RETNLB: variants seen among roughly 807,000 people sequenced by gnomAD.
The protein encoded by RETNLB is resistin like beta.
RETNLB carries 11 observed loss-of-function variants against 6.8 expected under a neutral mutation model. That is an observed-to-expected ratio of 1.62 (90% CI 1.02 to 2.68). The LOEUF (loss-of-function observed/expected upper bound fraction) is 2.68. Among genes scored for constraint, RETNLB ranks in the 30% most tolerant of loss-of-function variants. The pLI, the probability that RETNLB is intolerant of heterozygous loss-of-function variation, is 0.00. For missense variants in RETNLB, 146 were observed against 135.7 expected (o/e 1.08, Z -0.38); for synonymous variants, 57 against 54.2 (o/e 1.05, Z -0.23).
rs1945247161 is a variant in RETNLB, at chr3:108,755,998, G to C, written c.209-93C>G. Reference sequence around the variant, plus strand: ...ACCATCTTTCAACCCTGTGCAGTCAGGGGTAGAGCTAGGTTTCGTGGGGCC... The same window carrying C: ...ACCATCTTTCAACCCTGTGCAGTCACGGGTAGAGCTAGGTTTCGTGGGGCC... On this transcript the variant is annotated intron_variant, in intron 2 of 2. Coordinates refer to ENST00000295755, the MANE Select transcript of RETNLB (RefSeq NM_032579.3). 4.7e-6 allele frequency: 7 copies of C among 1,498,994 alleles called. No individual in the cohort carries two copies. In the Admixed American group the frequency reaches 7.0e-5, roughly 15 times the overall value. 92.9% of individuals were successfully genotyped at this position (1,498,994 alleles called of 1,614,324 possible). A position where few individuals can be genotyped will look rare whatever the true frequency, so the allele number is the denominator to read the frequency against.
chr3:108,757,147 G>A lies in RETNLB; in HGVS notation c.39C>T (p.Pro13=). ...TCCCCGGGTTGATCAGCTGGAGAAG[G>A]GGGATTAGGATGAGAAGGAGGCAAG... ...PSSCLLLILI[P]LLQLINPGST... Residue 13 remains proline (P), a synonymous_variant, in exon 1 of 3, where the codon CCC becomes CCT. Coordinates refer to ENST00000295755, the MANE Select transcript of RETNLB (RefSeq NM_032579.3). 1.9e-6 allele frequency: 3 copies of A among 1,571,874 alleles called. No individual in the cohort carries two copies. The highest frequency in any genetic ancestry group is 2.2e-5 in the South Asian group (2 of 90,336).
Position 108,755,797 on chromosome 3 carries a change from C to G in RETNLB, c.317G>C (p.Arg106Pro), listed in dbSNP as rs370708969. The G allele has an allele frequency of 6.2e-7, 1 of 1,613,944 alleles. No homozygotes were observed. The highest frequency in any genetic ancestry group is 1.1e-5 in the South Asian group (1 of 91,056). ...QCSVVDWTTA[R>P]CCHLT Reference sequence around the variant, plus strand: ...TCCCTGTCAGGTCAGGTGGCAGCAGCGGGCAGTGGTCCAGTCCACCACACT... The same window carrying G: ...TCCCTGTCAGGTCAGGTGGCAGCAGGGGGCAGTGGTCCAGTCCACCACACT... Residue 106 changes from arginine (R) to proline (P), a missense_variant, in exon 3 of 3, where the codon CGC (arginine) becomes CCC (proline). Physicochemically the swap from Arg to Pro is moderately radical, Grantham distance 103. Transcript: ENST00000295755.
At chr3:108,755,971 C>G in intron 2 of RETNLB, 66 bp from the exon 3 acceptor site, 1 of 1,600,460 alleles carries the variant, frequency 6.2e-7, no homozygotes, top group Non-Finnish European at 8.6e-7. Context: ...GGGCTACCCA[C>G]AACCATCTTT....
Position 108,757,388 on chromosome 3 carries a change from C to G in RETNLB, c.-203G>C. The G allele has an allele frequency of 2.2e-6, 1 of 460,994 alleles. No individual in the cohort carries two copies. The highest frequency in any genetic ancestry group is 3.7e-6 in the Non-Finnish European group (1 of 267,504). 28.6% of individuals were successfully genotyped at this position (460,994 alleles called of 1,614,324 possible). ...GTTGCTGAAGAACAGATTTATTCAC[C>G]AAAACATTCAGAGAAGGTCTACAAG... On this transcript the variant is annotated 5_prime_UTR_variant, in exon 1 of 3. Coordinates refer to ENST00000295755, the MANE Select transcript of RETNLB (RefSeq NM_032579.3).
At chr3:108,756,950 G>C (rs992989772) in intron 1 of RETNLB, 109 bp downstream of exon 1, 1 of 1,279,418 alleles carries the variant, frequency 7.8e-7, no homozygotes, top group Non-Finnish European at 1.1e-6. Flanking sequence ...CCTCATCAGG[G>C]GTTGGGCTTG....
chr3:108,756,622 A>G (rs780929170), intron 1 of RETNLB, 34 bp from the exon 2 acceptor site: 1 of 1,426,712 alleles, frequency 7.0e-7, no homozygotes, highest in South Asian at 1.1e-5. Context: ...ACATCCCATG[A>G]GCTATCCTCC....
rs373197374 is a variant in RETNLB, at chr3:108,755,830, C to A, written c.284G>T (p.Cys95Phe). 2.2e-5 allele frequency: 36 copies of A among 1,614,172 alleles called. No homozygotes were observed. In the African/African-American group the frequency reaches 4.0e-4, roughly 18 times the overall value. ...GGTCCAGTCCACCACACTGCACTGGCAGTGGCAGGTGGTTTCCAGCTGAAC... is the reference window on the plus strand; with the variant it reads ...GGTCCAGTCCACCACACTGCACTGGAAGTGGCAGGTGGTTTCCAGCTGAAC... ...WDVQLETTCH[C>F]QCSVVDWTTA... is the part of the protein sequence containing the mutation. The change falls in exon 3 of 3, where the codon TGC (cysteine) becomes TTC (phenylalanine). Residue 95 changes from cysteine to phenylalanine, a missense_variant. Physicochemically the swap from Cys to Phe is radical, Grantham distance 205. Coordinates refer to ENST00000295755, the MANE Select transcript of RETNLB (RefSeq NM_032579.3).
In RETNLB at chr3:108,757,207, G is replaced by T; in HGVS notation, c.-22C>A. 6.3e-7 allele frequency: 1 copy of T among 1,599,202 alleles called. No homozygotes were observed. Among genetic ancestry groups the T allele is most frequent in the Non-Finnish European group, 8.5e-7 (1 of 1,172,334 alleles). On this transcript the variant is annotated 5_prime_UTR_variant, in exon 1 of 3. Coordinates refer to ENST00000295755, the MANE Select transcript of RETNLB (RefSeq NM_032579.3). ...CCATCCTGTACAGAGTCAGTGTCCT[G>T]GGGCTGGGAGAAAAGATGGAAAGCA...
intron 2 of RETNLB, among the ~76,000 whole-genome samples, chr3:108,756,122 A>G (rs1163003395): frequency 2.6e-5 from 4 of 152,218 alleles, no homozygotes; most frequent in Non-Finnish European, 5.9e-5. Context: ...TGCAAGTGAG[A>G]GACTTGGAAC....
chr3:108,757,129 G>A lies in RETNLB; in HGVS notation c.57C>T (p.Asn19=). ...LILIPLLQLI[N]PGSTQCSLDS... ...CTAAGGAACACTGAGTACTCCCCGG[G>A]TTGATCAGCTGGAGAAGGGGGATTA... Residue 19 remains asparagine (N), a synonymous_variant, in exon 1 of 3, where the codon AAC becomes AAT. Coordinates refer to ENST00000295755, the MANE Select transcript of RETNLB (RefSeq NM_032579.3). 1 of 1,612,796 alleles carries A rather than the reference G, an allele frequency of 6.2e-7. No homozygotes were observed. The highest frequency in any genetic ancestry group is 8.5e-7 in the Non-Finnish European group (1 of 1,179,312).
rs764383852 is a variant in RETNLB, at chr3:108,757,148, G to A, written c.38C>T (p.Pro13Leu). The A allele has an allele frequency of 1.1e-5, 18 of 1,613,786 alleles. No individual in the cohort carries two copies. The African/African-American group carries it at 2.3e-4, about 20-fold the overall frequency. Residue 13 changes from proline to leucine, a missense_variant, in exon 1 of 3, where the codon CCC becomes CTC. Transcript: ENST00000295755. ...CCCCGGGTTGATCAGCTGGAGAAGG[G>A]GGATTAGGATGAGAAGGAGGCAAGA... ...PSSCLLLILIPLLQLINPGST... is the reference protein window; with the variant it reads ...PSSCLLLILILLLQLINPGST...
At chr3:108,756,317 A>G (rs1411507069) in intron 2 of RETNLB, among the ~76,000 whole-genome samples, 191 bp downstream of exon 2, 2 of 152,148 alleles carry the variant, frequency 1.3e-5, no homozygotes, top group Non-Finnish European at 1.5e-5. Context: ...GCAGAAGCCC[A>G]AGATCCCCCA....
chr3:108,756,649 C>G, intron 1 of RETNLB, 61 bp from the exon 2 acceptor site: 1 of 1,210,110 alleles, frequency 8.3e-7, no homozygotes, highest in Non-Finnish European at 1.2e-6. Flanking sequence ...TCCCCTTATC[C>G]CCTTCCAAAT....
rs1945255253 is a variant in RETNLB, at chr3:108,757,043, T to C, written c.127+16A>G. 6.2e-7 allele frequency: 1 copy of C among 1,611,176 alleles called. No individual in the cohort carries two copies. The highest frequency in any genetic ancestry group is 8.5e-7 in the Non-Finnish European group (1 of 1,178,368). On this transcript the variant is annotated intron_variant, in intron 1 of 2. Coordinates refer to ENST00000295755, the MANE Select transcript of RETNLB (RefSeq NM_032579.3). ...GCAAGGGTCAACCCCCCGCTTCCCC[T>C]ACCCCAGTCAGTTACCTAGACTGTT...
At position 108,757,276 on chromosome 3, in the gene RETNLB, C is replaced by T; in HGVS notation, c.-91G>A. 1.4e-6 allele frequency: 2 copies of T among 1,461,512 alleles called. No individual in the cohort carries two copies. The highest frequency in any genetic ancestry group is 2.5e-4 in the Middle Eastern group (1 of 3,948). 90.5% of individuals were successfully genotyped at this position (1,461,512 alleles called of 1,614,324 possible). ...CTGGGTGGTGGTGAAGGAAAGAAGA[C>T]AACGTGGTTAGTTTCCAGGGAGTAA... On this transcript the variant is annotated 5_prime_UTR_variant, in exon 1 of 3. Coordinates refer to ENST00000295755, the MANE Select transcript of RETNLB (RefSeq NM_032579.3).
At position 108,755,881 on chromosome 3, in the gene RETNLB, C is replaced by A; in HGVS notation, c.233G>T (p.Cys78Phe). 1.2e-6 allele frequency: 2 copies of A among 1,614,154 alleles called. No individual in the cohort carries two copies. Among genetic ancestry groups the A allele is most frequent in the Non-Finnish European group, 1.7e-6 (2 of 1,180,032 alleles). ...ATCCCACGAACCACAGCCATAGCCA[C>A]AAGCACAGCCAGTGACAGCCATCCC... ...PAGMAVTGCACGYGCGSWDVQ... is the reference protein window; with the variant it reads ...PAGMAVTGCAFGYGCGSWDVQ... Residue 78 changes from cysteine to phenylalanine, a missense_variant, in exon 3 of 3, where the codon TGT (cysteine) becomes TTT (phenylalanine). Coordinates refer to ENST00000295755, the MANE Select transcript of RETNLB (RefSeq NM_032579.3).
At chr3:108,756,381 T>C in intron 2 of RETNLB, 127 bp downstream of exon 2, 1 of 685,570 alleles carries the variant, frequency 1.5e-6, no homozygotes, top group Non-Finnish European at 2.6e-6. Context: ...GAACCAAGAG[T>C]CATGACTCAG....
intron 1 of RETNLB, chr3:108,756,844 A>G: frequency 1.7e-6 from 1 of 605,444 alleles, no homozygotes. Context: ...GTGTTCATAA[A>G]TTACAGCTAC....
Position 108,757,132 on chromosome 3 carries a change from G to T in RETNLB, c.54C>A (p.Ile18=). 1 of 1,612,564 alleles carries T rather than the reference G, an allele frequency of 6.2e-7. No individual in the cohort carries two copies. Among genetic ancestry groups the T allele is most frequent in the Non-Finnish European group, 8.5e-7 (1 of 1,179,168 alleles). ...AGGAACACTGAGTACTCCCCGGGTT[G>T]ATCAGCTGGAGAAGGGGGATTAGGA... ...LLILIPLLQL[I]NPGSTQCSLD... is the part of the protein sequence containing the mutation. Residue 18 remains isoleucine, a synonymous_variant, in exon 1 of 3, where the codon ATC becomes ATA. Coordinates refer to ENST00000295755, the MANE Select transcript of RETNLB (RefSeq NM_032579.3).
Sources: gnomAD v4.1 joint callset for allele counts (sites outside exome capture counted in the v4.1 genomes callset) on GRCh38, gnomAD v4.1.1 for gene constraint, MANE v1.5 for transcripts, NCBI Gene and HGNC (gene_info 2026-07-23, HGNC 2026-07-21) for gene names.